The following ACOXL variants were observed in gnomAD, a reference collection of about 807,000 sequenced individuals.
ACOXL encodes the protein acyl-CoA oxidase like.
ACOXL carries 70 observed loss-of-function variants against 71.9 expected under a neutral mutation model. That is an observed-to-expected ratio of 0.97 (90% CI 0.80 to 1.19). The LOEUF (loss-of-function observed/expected upper bound fraction) is 1.19, where lower values mean the gene tolerates loss of function less well. Among genes scored for constraint, ACOXL ranks in the 50% most tolerant of loss-of-function variants. ACOXL has a pLI of 0.00. For missense variants in ACOXL, 703 were observed against 736.3 expected (o/e 0.95, Z 0.52); for synonymous variants, 253 against 281.6 (o/e 0.90, Z 1.02).
chr2:110,839,011 A>G (rs1690807716), intron 9 of ACOXL, among the ~76,000 whole-genome samples: 1 of 152,230 alleles, frequency 6.6e-6, no homozygotes, highest in Non-Finnish European at 1.5e-5. Flanking sequence ...ACAATAAAAC[A>G]TATTTTATTC....
chr2:110,970,323 G>A (rs899667839), intron 12 of ACOXL, among the ~76,000 whole-genome samples: 15 of 152,200 alleles, frequency 9.9e-5, no homozygotes, highest in African/African-American at 3.6e-4. Flanking sequence ...TGATATGCAA[G>A]TATGCTTCAA....
chr2:111,000,468 G>A (rs1158525564), intron 14 of ACOXL, among the ~76,000 whole-genome samples: 2 of 152,206 alleles, frequency 1.3e-5, no homozygotes, highest in African/African-American at 4.8e-5. Context: ...TCTTCATATG[G>A]TCAATGTGTT....
intron 16 of ACOXL, among the ~76,000 whole-genome samples, chr2:111,080,621 A>G (rs758129800): frequency 3.0e-4 from 46 of 152,334 alleles, no homozygotes; most frequent in Admixed American, 2.4e-3. Context: ...GTTCCTTCTG[A>G]AACTATTCGG....
intron 9 of ACOXL, among the ~76,000 whole-genome samples, chr2:110,818,267 G>A (rs112271457): frequency 6.6e-6 from 1 of 151,144 alleles, no homozygotes; most frequent in Non-Finnish European, 1.5e-5. Context: ...TATGGCATGC[G>A]CCTATATTCC....
intron 2 of ACOXL, among the ~76,000 whole-genome samples, chr2:110,770,103 G>A (rs763649333): frequency 9.2e-5 from 14 of 152,110 alleles, no homozygotes; most frequent in Non-Finnish European, 1.9e-4. Flanking sequence ...ACCCCCTAAG[G>A]GAGGAGCCTG....
intron 10 of ACOXL, among the ~76,000 whole-genome samples, chr2:110,893,228 T>C (rs2058863631): frequency 6.6e-6 from 1 of 152,202 alleles, no homozygotes; most frequent in Non-Finnish European, 1.5e-5. Flanking sequence ...ACCAATGGTT[T>C]AATTTTTTTA....
intron 9 of ACOXL, among the ~76,000 whole-genome samples, chr2:110,841,156 C>T (rs1037996596): frequency 6.6e-6 from 1 of 152,176 alleles, no homozygotes; most frequent in Admixed American, 6.5e-5. Context: ...AAATATTTTA[C>T]GCCTCTGTAA....
chr2:111,029,989 C>A (rs968895024), intron 14 of ACOXL, among the ~76,000 whole-genome samples: 1 of 152,034 alleles, frequency 6.6e-6, no homozygotes. Context: ...AGTTAGTTTT[C>A]TGTCCCTGGT....
intron 11 of ACOXL, among the ~76,000 whole-genome samples, chr2:110,923,797 G>T (rs923613418): frequency 6.6e-6 from 1 of 152,034 alleles, no homozygotes; most frequent in Non-Finnish European, 1.5e-5. Context: ...TTAGCTGGGC[G>T]TGGTGGTGGG....
intron 1 of ACOXL, among the ~76,000 whole-genome samples, chr2:110,764,189 G>T (rs558756116): frequency 6.6e-6 from 1 of 152,146 alleles, no homozygotes; most frequent in Non-Finnish European, 1.5e-5. Flanking sequence ...GAAAACTTAC[G>T]TGCACACAGA....
intron 12 of ACOXL, among the ~76,000 whole-genome samples, chr2:110,943,258 AAAGG>A (rs1258912634): frequency 1.4e-5 from 2 of 142,896 alleles, no homozygotes; most frequent in Admixed American, 1.4e-4. Context: ...AAAAGAAAAG[AAAGG>A]AGGGAGGGAG....
intron 10 of ACOXL, among the ~76,000 whole-genome samples, chr2:110,896,002 G>A (rs1417311873): frequency 6.6e-6 from 1 of 152,120 alleles, no homozygotes; most frequent in Non-Finnish European, 1.5e-5. Flanking sequence ...CTCCTCTTGA[G>A]TTCTCTAAAT....
In ACOXL at chr2:110,784,793, C is replaced by T. The variant is rs201574685; in HGVS notation, c.137C>T (p.Ala46Val). ...GTCATAGGAGAAGTCCTCTCCATGG[C>T]GGACATGGCCACAGGAGTGAAGGTG... ...SLVIGEVLSM[A>V]DMATGVKCGI... Residue 46 changes from alanine (A) to valine (V), a missense_variant, in exon 3 of 18, where the codon GCG becomes GTG. Transcript: ENST00000439055. 27 of 1,607,184 alleles carry T rather than the reference C, an allele frequency of 1.7e-5. No homozygotes were observed. Among genetic ancestry groups the T allele is most frequent in the African/African-American group, 1.3e-4 (10 of 74,520 alleles).
At chr2:110,897,665 A>C (rs1024199782) in intron 10 of ACOXL, among the ~76,000 whole-genome samples, 1 of 146,890 alleles carries the variant, frequency 6.8e-6, no homozygotes, top group Non-Finnish European at 1.5e-5. Context: ...TTGGGGGTAC[A>C]TATTCAAACT....
chr2:110,796,703 A>G (rs1423589902), intron 5 of ACOXL, among the ~76,000 whole-genome samples: 1 of 152,220 alleles, frequency 6.6e-6, no homozygotes, highest in Non-Finnish European at 1.5e-5. Flanking sequence ...AGCCTCAAGC[A>G]ATGCCTCTCC....
At chr2:111,028,947 T>G (rs2065140688) in intron 14 of ACOXL, among the ~76,000 whole-genome samples, 1 of 152,308 alleles carries the variant, frequency 6.6e-6, no homozygotes, top group South Asian at 2.1e-4. Context: ...AGCCCATGGT[T>G]AGGGATGTGG....
At chr2:110,838,161 A>G (rs12463526) in intron 9 of ACOXL, among the ~76,000 whole-genome samples, 68,829 of 152,132 alleles carry the variant, frequency 0.45, 15,801 homozygotes, top group East Asian at 0.56. Context: ...ATGTATGTGT[A>G]CTTGCATATG....
chr2:110,884,024 A>C (rs1697003109), intron 10 of ACOXL, among the ~76,000 whole-genome samples: 1 of 152,220 alleles, frequency 6.6e-6, no homozygotes, highest in Non-Finnish European at 1.5e-5. Flanking sequence ...TAGAGGAGGC[A>C]AAATTTTACC....
intron 12 of ACOXL, among the ~76,000 whole-genome samples, chr2:110,981,914 A>G (rs577834094): frequency 6.6e-6 from 1 of 152,350 alleles, no homozygotes; most frequent in South Asian, 2.1e-4. Flanking sequence ...TAAGTGCTCC[A>G]TAAATGTAGC....
Sources: allele counts gnomAD v4.1 joint callset (sites outside exome capture counted in the v4.1 genomes callset), GRCh38; gene constraint gnomAD v4.1.1; transcripts MANE v1.5; gene names NCBI Gene and HGNC (gene_info 2026-07-23, HGNC 2026-07-21).